SLC44A5: variants seen among roughly 807,000 people sequenced by gnomAD.
The protein encoded by SLC44A5 is solute carrier family 44 member 5.
SLC44A5 carries 57 observed loss-of-function variants against 101.8 expected under a neutral mutation model. The observed-to-expected ratio is 0.56, with a 90% CI of 0.45 to 0.70. The LOEUF is 0.70. Ranked by LOEUF, SLC44A5 falls within the 30% of genes least tolerant of loss-of-function variation. SLC44A5 has a pLI of 0.00. For missense variants in SLC44A5, 737 were observed against 853.1 expected (o/e 0.86, Z 1.70); for synonymous variants, 281 against 290.9 (o/e 0.97, Z 0.35).
At chr1:75,218,462 T>A (rs780388201) in intron 17 of SLC44A5, 28 bp downstream of exon 17, 17 of 1,611,316 alleles carry the variant, frequency 1.1e-5, no homozygotes, top group Admixed American at 8.3e-5. Context: ...ACTGACAAGA[T>A]AGGTGTAGGC....
chr1:75,634,496 A>G, the SLC44A5 span, among the ~76,000 whole-genome samples: 9 of 151,362 alleles, frequency 5.9e-5, no homozygotes, highest in Admixed American at 5.9e-4. Flanking sequence ...CAGAGCCCTC[A>G]GAAATAACGC....
intron 16 of SLC44A5, 130 bp from the exon 17 acceptor site, chr1:75,218,882 C>A: frequency 2.5e-6 from 2 of 804,012 alleles, no homozygotes; most frequent in Non-Finnish European, 3.9e-6. Flanking sequence ...TCTTACTCCT[C>A]TATTTTCTGT....
At chr1:75,534,593 G>A (rs146623481) in intron 2 of SLC44A5, among the ~76,000 whole-genome samples, 33 of 152,290 alleles carry the variant, frequency 2.2e-4, no homozygotes, top group Non-Finnish European at 3.8e-4. Flanking sequence ...CCTAAACCTA[G>A]AATGTGTCAT....
chr1:75,614,834 C>G (rs1228432944), upstream of SLC44A5, among the ~76,000 whole-genome samples: 5 of 152,158 alleles, frequency 3.3e-5, no homozygotes, highest in Admixed American at 3.3e-4. Flanking sequence ...CCTTCCTCAC[C>G]GCGCATGGTG....
At chr1:75,237,201 A>T in intron 10 of SLC44A5, 131 bp from the exon 11 acceptor site, 2 of 545,730 alleles carry the variant, frequency 3.7e-6, no homozygotes, top group Non-Finnish European at 6.9e-6. Context: ...ATCAGTAGTG[A>T]CTGTTTTCCT....
chr1:75,408,347 G>A (rs1663041731), intron 2 of SLC44A5, among the ~76,000 whole-genome samples: 1 of 152,100 alleles, frequency 6.6e-6, no homozygotes. Flanking sequence ...ATTTGACCCA[G>A]CAATCCTATT....
chr1:75,393,174 T>C (rs943043972), intron 3 of SLC44A5, among the ~76,000 whole-genome samples: 1 of 152,134 alleles, frequency 6.6e-6, no homozygotes, highest in African/African-American at 2.4e-5. Flanking sequence ...AATTTGAAAT[T>C]CAAAGAATAA....
chr1:75,703,951 G>A, the SLC44A5 span, among the ~76,000 whole-genome samples: 16 of 152,104 alleles, frequency 1.1e-4, no homozygotes, highest in Non-Finnish European at 2.4e-4. Flanking sequence ...ATTTTGGGAC[G>A]CTGAGGCAGA....
intron 1 of SLC44A5, among the ~76,000 whole-genome samples, chr1:75,599,181 C>T (rs965824137): frequency 1.3e-5 from 2 of 152,038 alleles, no homozygotes; most frequent in Admixed American, 6.6e-5. Flanking sequence ...GGATAAATTG[C>T]GCACAATCAA....
At chr1:75,271,497 TTG>T (rs4035634) in intron 6 of SLC44A5, among the ~76,000 whole-genome samples, 23 of 146,364 alleles carry the variant, frequency 1.6e-4, no homozygotes, top group Non-Finnish European at 2.5e-4. Flanking sequence ...TCTGCATGTT[TTG>T]TGTGTGTGTG....
intron 2 of SLC44A5, among the ~76,000 whole-genome samples, chr1:75,531,936 T>C (rs1272243366): frequency 6.6e-6 from 1 of 152,154 alleles, no homozygotes; most frequent in Non-Finnish European, 1.5e-5. Context: ...GAATAGCTAA[T>C]TTCAGTAATT....
chr1:75,444,314 CAA>C (rs1352110826), intron 2 of SLC44A5, among the ~76,000 whole-genome samples: 7 of 25,204 alleles, frequency 2.8e-4, no homozygotes, highest in Admixed American at 4.7e-4. Context: ...AAAACTCTGT[CAA>C]AAAAAAAAAA....
chr1:75,512,638 C>T (rs555350658), intron 2 of SLC44A5, among the ~76,000 whole-genome samples: 3 of 152,088 alleles, frequency 2.0e-5, no homozygotes, highest in African/African-American at 7.2e-5. Context: ...AATATGCACA[C>T]AAGTAGATAT....
chr1:75,365,119 T>C (rs1490222613), intron 3 of SLC44A5, among the ~76,000 whole-genome samples: 2 of 152,172 alleles, frequency 1.3e-5, no homozygotes, highest in Non-Finnish European at 2.9e-5. Flanking sequence ...TGCTATCATT[T>C]TTTTTACATT....
chr1:75,597,439 GA>G (rs532757316), intron 1 of SLC44A5, among the ~76,000 whole-genome samples: 1 of 151,996 alleles, frequency 6.6e-6, no homozygotes, highest in South Asian at 2.1e-4. Context: ...CACTGAAATA[GA>G]AAAAAATTTC....
intron 2 of SLC44A5, among the ~76,000 whole-genome samples, chr1:75,425,940 C>A (rs528828382): frequency 6.6e-6 from 1 of 152,164 alleles, no homozygotes. Flanking sequence ...CATTTTAAAA[C>A]GCTTTTTCTT....
At chr1:75,584,947 C>T (rs1028692432) in intron 1 of SLC44A5, among the ~76,000 whole-genome samples, 1 of 152,086 alleles carries the variant, frequency 6.6e-6, no homozygotes, top group African/African-American at 2.4e-5. Flanking sequence ...ATAATTAATC[C>T]TGCAAATAAC....
At chr1:75,345,491 T>C (rs17643802) in intron 3 of SLC44A5, among the ~76,000 whole-genome samples, 7,678 of 152,198 alleles carry the variant, frequency 0.05, 236 homozygotes, top group Middle Eastern at 0.12. Context: ...AAATGTAAAT[T>C]ACCCACATAA....
chr1:75,703,648 A>T, the SLC44A5 span, among the ~76,000 whole-genome samples: 1 of 131,550 alleles, frequency 7.6e-6, no homozygotes, highest in Non-Finnish European at 1.6e-5. Context: ...GTACCCTAAA[A>T]CTTAAAGTAT....
Sources: gnomAD v4.1 joint callset for allele counts (sites outside exome capture counted in the v4.1 genomes callset) on GRCh38, gnomAD v4.1.1 for gene constraint, MANE v1.5 for transcripts, NCBI Gene and HGNC (gene_info 2026-07-23, HGNC 2026-07-21) for gene names.